Variants in TIAM2 observed in about 807,000 individuals in gnomAD.
TIAM2 encodes TIAM Rac1 associated GEF 2.
A neutral mutation model predicts 152.9 loss-of-function variants in TIAM2; 80 were observed. That is an observed-to-expected ratio of 0.52 (90% CI 0.44 to 0.63). TIAM2 has a LOEUF of 0.63. TIAM2 is among the 30% of genes least tolerant of loss of function. The pLI, the probability that TIAM2 is intolerant of heterozygous loss-of-function variation, is 0.00. For synonymous variants in TIAM2, 804 were observed against 838.0 expected, an observed-to-expected ratio of 0.96 and a Z score of 0.70; for missense variants, 1,965 against 2,120.1, an observed-to-expected ratio of 0.93 and a Z score of 1.44.
chr6:155,039,581 G>C (rs1776982804), intron 1 of TIAM2, among the ~76,000 whole-genome samples: 2 of 127,362 alleles, frequency 1.6e-5, no homozygotes, highest in East Asian at 5.2e-4. Flanking sequence ...GGGGGATTAG[G>C]TTTTGTTGGA....
At chr6:155,061,549 A>G (rs1041697131) in intron 1 of TIAM2, among the ~76,000 whole-genome samples, 7 of 152,316 alleles carry the variant, frequency 4.6e-5, no homozygotes, top group Non-Finnish European at 1.0e-4. Flanking sequence ...CATCCCTACT[A>G]TACATGTAAA....
intron 9 of TIAM2, among the ~76,000 whole-genome samples, chr6:155,173,802 A>G (rs1780696559): frequency 6.6e-6 from 1 of 152,214 alleles, no homozygotes; most frequent in Non-Finnish European, 1.5e-5. Context: ...TGTACCAGGG[A>G]CATAGGAGAG....
chr6:155,021,104 T>C (rs1776471578), intron 1 of TIAM2, among the ~76,000 whole-genome samples: 1 of 152,212 alleles, frequency 6.6e-6, no homozygotes, highest in Admixed American at 6.5e-5. Context: ...TCTCTGTATG[T>C]CATCTTTTGT....
chr6:155,140,716 G>A (rs1200061447), intron 5 of TIAM2, among the ~76,000 whole-genome samples: 5 of 152,114 alleles, frequency 3.3e-5, no homozygotes, highest in Non-Finnish European at 7.4e-5. Context: ...ATTTAGCATG[G>A]AGAAAATAAG....
At position 155,065,276 on chromosome 6, in the gene TIAM2, G is replaced by C. The variant is rs548409943; in HGVS notation, c.-208-25013G>C. On this transcript the variant is annotated intron_variant, in intron 1 of 26. Transcript: ENST00000682666. ...GCCATATATACAGTGTGAAACCATT[G>C]ATTTCTAGTTGTGCTTATATTTAAG... 3.3e-5 allele frequency among the ~76,000 whole-genome samples: 5 copies of C among 152,138 alleles called. No homozygotes were observed. In the South Asian group the frequency reaches 1.0e-3, roughly 32 times the overall value.
chr6:155,155,877 CAAAG>C (rs1416813514), intron 7 of TIAM2, among the ~76,000 whole-genome samples: 3 of 152,312 alleles, frequency 2.0e-5, no homozygotes, highest in East Asian at 3.9e-4. Context: ...ACTGGAGACT[CAAAG>C]AAGTCACTGT....
intron 2 of TIAM2, 115 bp from the exon 3 acceptor site, chr6:155,127,375 G>A (rs911148583): frequency 3.2e-5 from 11 of 343,672 alleles, no homozygotes; most frequent in East Asian, 1.6e-4. Context: ...TACCTTGACA[G>A]TGACCCTGGA....
At chr6:155,252,858 G>A in intron 23 of TIAM2, 90 bp from the exon 24 acceptor site, 1 of 1,217,992 alleles carries the variant, frequency 8.2e-7, no homozygotes, top group South Asian at 1.3e-5. Flanking sequence ...CTCGCCCACA[G>A]GGAGAACATA....
chr6:155,160,072 T>C (rs967031784), intron 7 of TIAM2, among the ~76,000 whole-genome samples: 1 of 152,152 alleles, frequency 6.6e-6, no homozygotes, highest in African/African-American at 2.4e-5. Context: ...CATGCAGTTA[T>C]GGAGAAGAGC....
chr6:155,183,100 G>T (rs1347501534), intron 13 of TIAM2, 137 bp from the exon 14 acceptor site: 2 of 1,113,120 alleles, frequency 1.8e-6, no homozygotes, highest in Non-Finnish European at 2.5e-6. Flanking sequence ...TGCCTGGCTG[G>T]CACTTTCTTT....
At chr6:155,072,550 AG>A (rs1213402645) in intron 1 of TIAM2, among the ~76,000 whole-genome samples, 2 of 152,154 alleles carry the variant, frequency 1.3e-5, no homozygotes, top group Admixed American at 1.3e-4. Flanking sequence ...ATGCACAGAA[AG>A]GGGGGCCAGG....
intron 7 of TIAM2, among the ~76,000 whole-genome samples, chr6:155,157,154 G>A (rs986807955): frequency 2.0e-5 from 3 of 152,152 alleles, no homozygotes; most frequent in Non-Finnish European, 4.4e-5. Context: ...CCTCTGTCTC[G>A]TCTGTCCAGG....
At chr6:155,029,385 T>C (rs1205642344) in intron 1 of TIAM2, among the ~76,000 whole-genome samples, 1 of 93,040 alleles carries the variant, frequency 1.1e-5, no homozygotes, top group Non-Finnish European at 2.0e-5. Flanking sequence ...ATATACTATG[T>C]TATATATATA....
chr6:155,126,184 A>T (rs1318823503), intron 2 of TIAM2, among the ~76,000 whole-genome samples: 1 of 152,242 alleles, frequency 6.6e-6, no homozygotes, highest in Non-Finnish European at 1.5e-5. Context: ...CACGTGGATG[A>T]AACTTGAGGG....
intron 1 of TIAM2, among the ~76,000 whole-genome samples, chr6:155,004,276 G>C (rs9397760): frequency 0.33 from 50,239 of 152,190 alleles, 9,488 homozygotes; most frequent in Non-Finnish European, 0.4. Context: ...CTGGTCTGTA[G>C]TCTTTCCAGA....
intron 1 of TIAM2, among the ~76,000 whole-genome samples, chr6:155,083,855 A>T (rs1778122730): frequency 6.6e-6 from 1 of 152,328 alleles, no homozygotes; most frequent in South Asian, 2.1e-4. Flanking sequence ...GCAACAGATG[A>T]CATACGAAAC....
intron 1 of TIAM2, among the ~76,000 whole-genome samples, chr6:155,044,788 G>A (rs1279046152): frequency 1.3e-5 from 2 of 151,526 alleles, no homozygotes; most frequent in Non-Finnish European, 1.5e-5. Flanking sequence ...CTCCAGCCAC[G>A]GTGCACTCCA....
Position 155,257,311 on chromosome 6 carries a change from A to T in TIAM2, c.*190A>T, listed in dbSNP as rs540071368. On this transcript the variant is annotated 3_prime_UTR_variant, in exon 27 of 27. Transcript: ENST00000682666. Reference sequence around the variant, plus strand: ...ATTGTGGATCAGAAACCTAGATGAAACTGGTCAGAATCTGTAAATTACTTA... The same window carrying T: ...ATTGTGGATCAGAAACCTAGATGAATCTGGTCAGAATCTGTAAATTACTTA... 1.2e-5 allele frequency: 8 copies of T among 649,606 alleles called. No homozygotes were observed. The highest frequency in any genetic ancestry group is 4.3e-4 in the Middle Eastern group (1 of 2,324). 40.2% of individuals were successfully genotyped at this position (649,606 alleles called of 1,614,324 possible). A position where few individuals can be genotyped will look rare whatever the true frequency, so the allele number is the denominator to read the frequency against.
intron 1 of TIAM2, among the ~76,000 whole-genome samples, chr6:155,053,774 C>T (rs1777377249): frequency 6.6e-6 from 1 of 152,124 alleles, no homozygotes; most frequent in Non-Finnish European, 1.5e-5. Flanking sequence ...CCTGGCCTAG[C>T]AAACACCCTT....
Sources: allele counts gnomAD v4.1 joint callset (sites outside exome capture counted in the v4.1 genomes callset), GRCh38; gene constraint gnomAD v4.1.1; transcripts MANE v1.5; gene names NCBI Gene and HGNC (gene_info 2026-07-23, HGNC 2026-07-21).